The following SLIT3 variants were observed in gnomAD, a reference collection of about 807,000 sequenced individuals.
The protein encoded by SLIT3 is slit guidance ligand 3.
SLIT3 carries 68 observed loss-of-function variants against 184.0 expected under a neutral mutation model. The observed-to-expected ratio is 0.37, with a 90% confidence interval of 0.30 to 0.45. The LOEUF (loss-of-function observed/expected upper bound fraction) is 0.45. Ranked by LOEUF, SLIT3 falls within the 20% of genes least tolerant of loss-of-function variation. SLIT3 has a pLI of 1.00. For synonymous variants in SLIT3, 831 were observed against 828.6 expected (o/e 1.00, Z -0.05); for missense variants, 1,707 against 2,026.0 (o/e 0.84, Z 3.02).
intron 4 of SLIT3, among the ~76,000 whole-genome samples, chr5:169,188,939 G>A (rs767031288): frequency 6.6e-6 from 1 of 152,144 alleles, no homozygotes; most frequent in Non-Finnish European, 1.5e-5. Flanking sequence ...GTCAGGTGCT[G>A]CAAGAGCCTA....
chr5:168,846,818 A>T (rs1758489986), intron 5 of SLIT3, among the ~76,000 whole-genome samples: 1 of 152,198 alleles, frequency 6.6e-6, no homozygotes, highest in Non-Finnish European at 1.5e-5. Flanking sequence ...TTTTGAGAAC[A>T]CCAGAAATCA....
At chr5:169,054,875 G>C (rs866372498) in intron 4 of SLIT3, among the ~76,000 whole-genome samples, 2 of 152,020 alleles carry the variant, frequency 1.3e-5, no homozygotes, top group Admixed American at 1.3e-4. Context: ...TGGCCTAGGG[G>C]GTCCCATTAT....
intron 4 of SLIT3, among the ~76,000 whole-genome samples, chr5:168,961,131 C>G (rs931328852): frequency 6.6e-6 from 1 of 152,188 alleles, no homozygotes; most frequent in Non-Finnish European, 1.5e-5. Flanking sequence ...CCCCTTTCCC[C>G]CTTCACTGCT....
At position 168,806,487 on chromosome 5, in the gene SLIT3, C is replaced by G; in HGVS notation, c.894G>C (p.Leu298Phe). Residue 298 changes from leucine (L) to phenylalanine (F), a missense_variant, in exon 9 of 36, where the codon TTG becomes TTC. By Grantham distance (22) the Leu-to-Phe change is conservative (BLOSUM62 0). Coordinates refer to ENST00000519560, the MANE Select transcript of SLIT3 (RefSeq NM_003062.4). ...NNIVDCRGKG[L>F]MEIPANLPEG... ...CCGGCAAGTTGGCAGGAATCTCCAT[C>G]AAGCCCTTTCCTCGACAGTCCACGA... 1 of 1,614,216 alleles carries G rather than the reference C, an allele frequency of 6.2e-7. No homozygotes were observed. Among genetic ancestry groups the G allele is most frequent in the Non-Finnish European group, 8.5e-7 (1 of 1,180,032 alleles).
At chr5:169,123,024 A>G (rs1235660765) in intron 4 of SLIT3, among the ~76,000 whole-genome samples, 2 of 152,300 alleles carry the variant, frequency 1.3e-5, no homozygotes, top group Non-Finnish European at 1.5e-5. Context: ...AAAATGATTA[A>G]TGGGAAAAAT....
intron 4 of SLIT3, among the ~76,000 whole-genome samples, chr5:168,964,012 T>G (rs1388684648): frequency 3.9e-5 from 6 of 152,176 alleles, no homozygotes; most frequent in Non-Finnish European, 7.3e-5. Flanking sequence ...GAGTTGTCCC[T>G]AGTTATAATA....
In SLIT3 at chr5:169,209,086, A is replaced by G. The variant is rs536166550; in HGVS notation, c.342-15536T>C. Reference sequence around the variant, plus strand: ...CAAAGGGCTAATATTCAGAATCTACAAAGAACTTAAATTTACAAGAAGAAA... The same window carrying G: ...CAAAGGGCTAATATTCAGAATCTACGAAGAACTTAAATTTACAAGAAGAAA... On this transcript the variant is annotated intron_variant, in intron 3 of 35. Transcript: ENST00000519560. 2.3e-3 allele frequency among the ~76,000 whole-genome samples: 338 copies of G among 148,962 alleles called. 1 individual carries two copies. Among genetic ancestry groups the G allele is most frequent in the Middle Eastern group, 6.9e-3 (2 of 288 alleles).
chr5:169,176,804 T>G (rs1763001015), intron 4 of SLIT3, among the ~76,000 whole-genome samples: 1 of 152,174 alleles, frequency 6.6e-6, no homozygotes, highest in Non-Finnish European at 1.5e-5. Flanking sequence ...GCTCACAGGC[T>G]GTAGTCTGCC....
chr5:169,085,958 G>A lies in SLIT3; in HGVS notation c.413+107521C>T, dbSNP rs148733929. ...ACAGAGCACCAGCCTGCAGCGGCAA[G>A]AGTCAGCAGCACCCTTTACTCCATG... On this transcript the variant is annotated intron_variant, in intron 4 of 35. Coordinates refer to ENST00000519560, the MANE Select transcript of SLIT3 (RefSeq NM_003062.4). Among the ~76,000 whole-genome samples, 62 of 152,276 alleles carry A rather than the reference G, an allele frequency of 4.1e-4. No individual in the cohort carries two copies. In the East Asian group the frequency reaches 0.012, roughly 29 times the overall value.
intron 30 of SLIT3, 84 bp from the exon 31 acceptor site, chr5:168,686,011 A>G: frequency 1.4e-6 from 2 of 1,438,492 alleles, no homozygotes; most frequent in South Asian, 1.4e-5. Flanking sequence ...AAGAACCTCG[A>G]GCAGAGAGGT....
At chr5:168,981,381 C>T (rs1350756022) in intron 4 of SLIT3, among the ~76,000 whole-genome samples, 10 of 152,058 alleles carry the variant, frequency 6.6e-5, no homozygotes, top group African/African-American at 1.9e-4. Context: ...GACAGATTCC[C>T]GGGATTGCAA....
At chr5:168,872,640 C>CTTTTTTTTTTTTTTTTTTTTTTTT (rs774066150) in intron 5 of SLIT3, among the ~76,000 whole-genome samples, 1 of 112,430 alleles carries the variant, frequency 8.9e-6, no homozygotes, top group Non-Finnish European at 1.8e-5. Context: ...TCTTCTTCTT[C>CTTTTTTTTTTTTTTTTTTTTTTTT]TTTTTTTTTT....
At chr5:168,928,337 T>C (rs1488662149) in intron 4 of SLIT3, among the ~76,000 whole-genome samples, 1 of 152,212 alleles carries the variant, frequency 6.6e-6, no homozygotes, top group Non-Finnish European at 1.5e-5. Context: ...ATTAAATGAG[T>C]AATGATTAAA....
chr5:169,193,917 C>T (rs114535497), intron 3 of SLIT3, among the ~76,000 whole-genome samples: 1,738 of 152,194 alleles, frequency 0.011, 46 homozygotes, highest in African/African-American at 0.04. Flanking sequence ...AGTGATGAAA[C>T]TGGCATGTGA....
intron 4 of SLIT3, among the ~76,000 whole-genome samples, chr5:169,133,158 A>G (rs1400381234): frequency 1.3e-5 from 2 of 152,080 alleles, no homozygotes; most frequent in Non-Finnish European, 2.9e-5. Flanking sequence ...AAGTCGAGAT[A>G]TTATATTTCT....
intron 4 of SLIT3, among the ~76,000 whole-genome samples, chr5:168,961,754 G>GAAAGAGCC (rs1763016451): frequency 1.3e-5 from 2 of 152,152 alleles, no homozygotes; most frequent in Admixed American, 1.3e-4. Flanking sequence ...GTCTGGAAAA[G>GAAAGAGCC]AAAGAGCCAC....
chr5:168,702,235 C>T (rs1358824135), intron 26 of SLIT3, among the ~76,000 whole-genome samples: 2 of 152,202 alleles, frequency 1.3e-5, no homozygotes, highest in East Asian at 3.8e-4. Context: ...CGTTCCAGGC[C>T]TCATGCTAAG....
At chr5:168,827,590 C>A (rs901088048) in intron 6 of SLIT3, among the ~76,000 whole-genome samples, 3 of 152,158 alleles carry the variant, frequency 2.0e-5, no homozygotes, top group African/African-American at 7.2e-5. Context: ...CTGAACAATC[C>A]AGGATAACTC....
rs143559221 is a variant in SLIT3 at position 169,251,897 on chromosome 5, A to G, written c.198-438T>C. On this transcript the variant is annotated intron_variant, in intron 1 of 35. Transcript: ENST00000519560. ...TCAAAATCCCAATAACTGTTTATCT[A>G]CTGGGATTGCTAAGCTGTTCAGGGT... Among the ~76,000 whole-genome samples, 348 of 152,266 alleles carry G rather than the reference A, an allele frequency of 2.3e-3. 1 individual carries two copies. The highest frequency in any genetic ancestry group is 8.0e-3 in the African/African-American group (331 of 41,546).
Sources: gnomAD v4.1 joint callset for allele counts (sites outside exome capture counted in the v4.1 genomes callset) on GRCh38, gnomAD v4.1.1 for gene constraint, MANE v1.5 for transcripts, NCBI Gene and HGNC (gene_info 2026-07-23, HGNC 2026-07-21) for gene names.